Variants in DDX10 observed in about 807,000 individuals in gnomAD.
DDX10 encodes the protein DEAD-box helicase 10, also known as probable ATP-dependent RNA helicase DDX10.
DDX10 carries 74 observed loss-of-function variants against 104.3 expected under a neutral mutation model. That is an observed-to-expected ratio of 0.71 (90% CI 0.59 to 0.86). The LOEUF (loss-of-function observed/expected upper bound fraction) is 0.86. DDX10 is among the 40% of genes least tolerant of loss of function. The pLI, the probability that DDX10 is intolerant of heterozygous loss-of-function variation, is 0.00. For synonymous variants in DDX10, 351 were observed against 353.4 expected (o/e 0.99, Z 0.08); for missense variants, 952 against 1,040.0 (o/e 0.92, Z 1.16).
At chr11:108,869,889 C>T (rs1399963373) in intron 16 of DDX10, among the ~76,000 whole-genome samples, 2 of 152,000 alleles carry the variant, frequency 1.3e-5, no homozygotes, top group African/African-American at 4.8e-5. Flanking sequence ...TAGAGATAGC[C>T]TTCACTTCTT....
chr11:108,762,287 C>A (rs2094351712), intron 13 of DDX10, among the ~76,000 whole-genome samples: 1 of 152,162 alleles, frequency 6.6e-6, no homozygotes, highest in Non-Finnish European at 1.5e-5. Context: ...AGGAAATTGG[C>A]AGTTATTCCT....
chr11:108,923,852 A>G (rs527462472), intron 17 of DDX10, among the ~76,000 whole-genome samples: 2 of 152,312 alleles, frequency 1.3e-5, no homozygotes, highest in Admixed American at 1.3e-4. Context: ...AGGTGTAAGT[A>G]TTAACTGAGC....
Position 108,689,019 on chromosome 11 carries a change from A to G in DDX10, c.932A>G (p.His311Arg), listed in dbSNP as rs2094248397. ...ISVLYSFLRSHLKKKSIVFFS... is the reference protein window; with the variant it reads ...ISVLYSFLRSRLKKKSIVFFS... ...GTGCTGTATTCCTTTTTGAGAAGCC[A>G]TCTGAAGAAGAAGAGCATTGTATTT... The change falls in exon 7 of 18, where the codon CAT (histidine) becomes CGT (arginine). Residue 311 changes from histidine to arginine, a missense_variant. Physicochemically the swap from His to Arg is conservative, Grantham distance 29. Transcript: ENST00000322536. The G allele has an allele frequency of 3.1e-6, 5 of 1,614,164 alleles. No homozygotes were observed. The highest frequency in any genetic ancestry group is 1.1e-5 in the South Asian group (1 of 91,082).
At chr11:108,842,280 T>A (rs1862648788) in intron 15 of DDX10, among the ~76,000 whole-genome samples, 2 of 152,204 alleles carry the variant, frequency 1.3e-5, no homozygotes, top group South Asian at 2.1e-4. Flanking sequence ...TGACATTTTT[T>A]AAAGAACTTT....
chr11:108,818,365 T>G (rs1278216067), intron 13 of DDX10, among the ~76,000 whole-genome samples: 1 of 152,218 alleles, frequency 6.6e-6, no homozygotes, highest in Non-Finnish European at 1.5e-5. Flanking sequence ...GTAACTATTG[T>G]GATCAGGCTA....
chr11:108,884,811 G>A (rs145323912), intron 16 of DDX10, among the ~76,000 whole-genome samples: 1 of 152,240 alleles, frequency 6.6e-6, no homozygotes, highest in East Asian at 1.9e-4. Context: ...CTTAACTTCA[G>A]TTATGATCTC....
At chr11:108,717,773 A>G (rs1190426179) in intron 11 of DDX10, among the ~76,000 whole-genome samples, 1 of 152,232 alleles carries the variant, frequency 6.6e-6, no homozygotes, top group Non-Finnish European at 1.5e-5. Flanking sequence ...ACTGTTTTAC[A>G]TGCGTTGTTA....
chr11:108,930,621 C>T (rs1185317560), intron 17 of DDX10, among the ~76,000 whole-genome samples: 3 of 152,172 alleles, frequency 2.0e-5, no homozygotes, highest in African/African-American at 4.8e-5. Flanking sequence ...CAGCAATAAA[C>T]GAGAGTTCTT....
chr11:108,749,204 G>A (rs1171270325), intron 13 of DDX10, among the ~76,000 whole-genome samples: 1 of 152,012 alleles, frequency 6.6e-6, no homozygotes, highest in African/African-American at 2.4e-5. Context: ...CTGGCCGTAT[G>A]TCTAGATTTT....
At position 108,715,206 on chromosome 11, in the gene DDX10, C is replaced by T. The variant is rs542887684; in HGVS notation, c.1323-673C>T. ...TTGATTTTATGATATTTGACTGAAA[C>T]AGAAACATTTATAAAAATGACATTA... On this transcript the variant is annotated intron_variant, in intron 10 of 17. Transcript: ENST00000322536. 2.9e-4 allele frequency among the ~76,000 whole-genome samples: 44 copies of T among 152,098 alleles called. No homozygotes were observed. The South Asian group carries it at 5.0e-3, about 17-fold the overall frequency.
chr11:108,910,198 A>G (rs1863650177), intron 16 of DDX10, among the ~76,000 whole-genome samples: 1 of 152,216 alleles, frequency 6.6e-6, no homozygotes, highest in African/African-American at 2.4e-5. Flanking sequence ...GATACTGGAA[A>G]AAACAAAAAC....
chr11:108,851,706 C>T (rs535770611), intron 15 of DDX10, among the ~76,000 whole-genome samples: 2 of 149,708 alleles, frequency 1.3e-5, no homozygotes, highest in East Asian at 1.9e-4. Context: ...CATGAAGACC[C>T]GGGTTTGAGA....
intron 13 of DDX10, among the ~76,000 whole-genome samples, chr11:108,729,310 A>G (rs1389626374): frequency 6.6e-6 from 1 of 152,186 alleles, no homozygotes; most frequent in Non-Finnish European, 1.5e-5. Context: ...GACCATATTC[A>G]GATCTGCTCA....
chr11:108,699,910 C>T (rs2094265213), intron 9 of DDX10, among the ~76,000 whole-genome samples: 2 of 152,158 alleles, frequency 1.3e-5, no homozygotes, highest in South Asian at 4.1e-4. Flanking sequence ...ACATAGGAGA[C>T]TCTAAATAGT....
At position 108,677,191 on chromosome 11, in the gene DDX10, G is replaced by C. The variant is rs371733323; in HGVS notation, c.485G>C (p.Arg162Pro). The C allele has an allele frequency of 6.2e-7, 1 of 1,613,742 alleles. No individual in the cohort carries two copies. Among genetic ancestry groups the C allele is most frequent in the Non-Finnish European group, 8.5e-7 (1 of 1,179,926 alleles). Residue 162 changes from arginine to proline, a missense_variant, in exon 4 of 18, where the codon CGA becomes CCA. Arg to Pro is a moderately radical substitution (Grantham distance 103). This residue lies in a region of DDX10 where 412 missense variants were observed against 479.2 expected (regional missense o/e 0.86). Coordinates refer to ENST00000322536, the MANE Select transcript of DDX10 (RefSeq NM_004398.4). ...GCCTATCAGACCTTTGAGGTTCTCC[G>C]AAAAGTAGGAAAGAATCATGACTTC... The part of the protein sequence containing the change: ...ELAYQTFEVL[R>P]KVGKNHDFSA...
chr11:108,768,786 C>T (rs765239077), intron 13 of DDX10, among the ~76,000 whole-genome samples: 8 of 152,046 alleles, frequency 5.3e-5, no homozygotes, highest in African/African-American at 1.2e-4. Flanking sequence ...TCCTCTTCCT[C>T]GGATATCCTA....
chr11:108,693,492 T>A (rs2094255539), intron 8 of DDX10, 24 bp from the exon 9 acceptor site: 2 of 1,594,360 alleles, frequency 1.3e-6, no homozygotes, highest in Non-Finnish European at 1.7e-6. Flanking sequence ...ACCAGTTTCT[T>A]AACTTCACAT....
intron 13 of DDX10, among the ~76,000 whole-genome samples, chr11:108,774,058 A>T (rs1377456439): frequency 6.6e-6 from 1 of 152,246 alleles, no homozygotes; most frequent in African/African-American, 2.4e-5. Flanking sequence ...CTTCAACAAA[A>T]AAAGCAAATT....
chr11:108,855,386 C>T (rs1275751772), intron 16 of DDX10, among the ~76,000 whole-genome samples: 1 of 152,162 alleles, frequency 6.6e-6, no homozygotes, highest in African/African-American at 2.4e-5. Context: ...AACAACAGTG[C>T]TGAAACTTGA....
Sources: gnomAD v4.1 joint callset for allele counts (sites outside exome capture counted in the v4.1 genomes callset) on GRCh38, gnomAD v4.1.1 for gene constraint, gnomAD v4.1.1 regional missense constraint, MANE v1.5 for transcripts, NCBI Gene and HGNC (gene_info 2026-07-23, HGNC 2026-07-21) for gene names.